ZFPM2: variants seen among roughly 807,000 people sequenced by gnomAD.
ZFPM2 encodes zinc finger protein ZFPM2.
In ZFPM2, 20 loss-of-function variants were observed where a neutral mutation model predicts 98.6. The ratio of observed to expected loss-of-function variants is 0.20; its 90% CI spans 0.14 to 0.29. The LOEUF (loss-of-function observed/expected upper bound fraction) is 0.29. ZFPM2 is among the 10% of genes least tolerant of loss of function. The pLI is 1.00. For missense variants in ZFPM2, 1,310 were observed against 1,388.6 expected (o/e 0.94, Z 0.90); for synonymous variants, 518 against 502.7 (o/e 1.03, Z -0.41).
At chr8:105,652,015 G>A (rs72673781) in intron 5 of ZFPM2, among the ~76,000 whole-genome samples, 72 of 152,146 alleles carry the variant, frequency 4.7e-4, no homozygotes, top group Non-Finnish European at 8.8e-4. Flanking sequence ...AGTCAGCATG[G>A]CAGTGTATAC....
At chr8:105,384,808 T>C (rs1398658737) in intron 1 of ZFPM2, among the ~76,000 whole-genome samples, 2 of 152,184 alleles carry the variant, frequency 1.3e-5, no homozygotes, top group East Asian at 3.8e-4. Context: ...GACGAAACCC[T>C]GAATTGATGA....
At chr8:105,533,472 A>G (rs1814340004) in intron 3 of ZFPM2, among the ~76,000 whole-genome samples, 4 of 152,182 alleles carry the variant, frequency 2.6e-5, no homozygotes, top group Non-Finnish European at 5.9e-5. Context: ...AATGCTTCTT[A>G]TGTATCTGGA....
chr8:105,361,996 G>T (rs890663810), intron 1 of ZFPM2, among the ~76,000 whole-genome samples: 3 of 151,998 alleles, frequency 2.0e-5, no homozygotes, highest in Non-Finnish European at 4.4e-5. Context: ...ACATAACAAT[G>T]AAATCACCTA....
chr8:105,678,080 A>G (rs753034761), intron 5 of ZFPM2, among the ~76,000 whole-genome samples: 1 of 152,118 alleles, frequency 6.6e-6, no homozygotes, highest in Non-Finnish European at 1.5e-5. Flanking sequence ...CAAGTTCTTT[A>G]CACCTTTTTC....
chr8:105,503,460 A>T (rs1360198607), intron 3 of ZFPM2, among the ~76,000 whole-genome samples: 1 of 152,194 alleles, frequency 6.6e-6, no homozygotes, highest in Non-Finnish European at 1.5e-5. Context: ...AACAATTTTG[A>T]CATTTTGGGA....
At chr8:105,494,656 C>G (rs957981623) in intron 3 of ZFPM2, among the ~76,000 whole-genome samples, 2 of 152,096 alleles carry the variant, frequency 1.3e-5, no homozygotes, top group Non-Finnish European at 2.9e-5. Context: ...ACAGCATTAT[C>G]TGGGAACTTG....
At chr8:105,508,118 C>T (rs796785819) in intron 3 of ZFPM2, among the ~76,000 whole-genome samples, 1 of 152,090 alleles carries the variant, frequency 6.6e-6, no homozygotes, top group Non-Finnish European at 1.5e-5. Flanking sequence ...TACAGTTTAA[C>T]GATTAATCAC....
chr8:105,354,240 A>T (rs1236632778), intron 1 of ZFPM2, among the ~76,000 whole-genome samples: 1 of 152,240 alleles, frequency 6.6e-6, no homozygotes. Flanking sequence ...TGAAATCAGC[A>T]GTAGAACAGC....
rs1459678347 is a variant in ZFPM2, at chr8:105,789,951, A to G, written c.739+1027A>G. Reference sequence around the variant, plus strand: ...GGGGTTGTTTGTTTTTTTCTTGTAAATTTGTTGGAGTTCATTGTAGATTCT... The same window carrying G: ...GGGGTTGTTTGTTTTTTTCTTGTAAGTTTGTTGGAGTTCATTGTAGATTCT... On this transcript the variant is annotated intron_variant, in intron 6 of 7. Coordinates refer to ENST00000407775, the MANE Select transcript of ZFPM2 (RefSeq NM_012082.4). 4.3e-3 allele frequency among the ~76,000 whole-genome samples: 645 copies of G among 151,520 alleles called. 3 individuals are homozygous for G. Among genetic ancestry groups the G allele is most frequent in the African/African-American group, 0.014 (577 of 41,312 alleles).
intron 3 of ZFPM2, among the ~76,000 whole-genome samples, chr8:105,453,434 A>G (rs1301607594): frequency 1.3e-5 from 2 of 152,172 alleles, no homozygotes; most frequent in Admixed American, 1.3e-4. Flanking sequence ...TTCTGTGAGG[A>G]CCAATCATTT....
At chr8:105,512,133 A>T in intron 3 of ZFPM2, among the ~76,000 whole-genome samples, 1 of 152,236 alleles carries the variant, frequency 6.6e-6, no homozygotes, top group Non-Finnish European at 1.5e-5. Context: ...CCACAGAGCA[A>T]GACTCTGTCT....
chr8:105,641,396 T>G (rs1816946208), intron 5 of ZFPM2, among the ~76,000 whole-genome samples: 1 of 152,072 alleles, frequency 6.6e-6, no homozygotes, highest in African/African-American at 2.4e-5. Context: ...TACGTTCTAT[T>G]AATATTTTGA....
In ZFPM2 at chr8:105,404,045, G is replaced by A. The variant is rs192475833; in HGVS notation, c.41-15099G>A. Among the ~76,000 whole-genome samples the A allele has an allele frequency of 2.1e-3, 287 of 138,816 alleles. 1 individual carries two copies. Among genetic ancestry groups the A allele is most frequent in the African/African-American group, 8.1e-3 (260 of 32,158 alleles). The allele number at this position is 138,816 out of a possible 152,430, so 91.1% of individuals were successfully genotyped here. On this transcript the variant is annotated intron_variant, in intron 1 of 7. Coordinates refer to ENST00000407775, the MANE Select transcript of ZFPM2 (RefSeq NM_012082.4). ...AACAACAACAACAACAACAACAACA[G>A]CAGCATAGATTTGGCCCTAGGCGCT...
At chr8:105,756,890 G>T (rs191882332) in intron 5 of ZFPM2, among the ~76,000 whole-genome samples, 10 of 152,160 alleles carry the variant, frequency 6.6e-5, no homozygotes, top group Non-Finnish European at 1.5e-4. Context: ...TGCAGATGGC[G>T]ATGCCGTGAT....
chr8:105,507,415 G>A (rs1813726365), intron 3 of ZFPM2, among the ~76,000 whole-genome samples: 1 of 152,140 alleles, frequency 6.6e-6, no homozygotes, highest in African/African-American at 2.4e-5. Flanking sequence ...GTGGTGTTTG[G>A]TTCTATGTCT....
At chr8:105,606,689 TTA>T (rs1816203786) in intron 4 of ZFPM2, among the ~76,000 whole-genome samples, 1 of 152,068 alleles carries the variant, frequency 6.6e-6, no homozygotes, top group East Asian at 1.9e-4. Context: ...TTTTGGAAAA[TTA>T]TATGTCATCT....
At chr8:105,457,705 G>A (rs986586356) in intron 3 of ZFPM2, among the ~76,000 whole-genome samples, 1 of 152,070 alleles carries the variant, frequency 6.6e-6, no homozygotes, top group African/African-American at 2.4e-5. Flanking sequence ...TTGTTTGTTT[G>A]TTTTTTGCAA....
intron 1 of ZFPM2, among the ~76,000 whole-genome samples, chr8:105,345,347 G>A (rs1001067078): frequency 6.9e-6 from 1 of 145,978 alleles, no homozygotes; most frequent in Non-Finnish European, 1.5e-5. Flanking sequence ...GTTCAATTTT[G>A]TTCTTGTTTC....
At chr8:105,349,639 A>G (rs1002362905) in intron 1 of ZFPM2, among the ~76,000 whole-genome samples, 6 of 152,220 alleles carry the variant, frequency 3.9e-5, no homozygotes, top group Admixed American at 1.3e-4. Context: ...TCTAAATCAT[A>G]AAGTTCATTG....
Sources: allele counts gnomAD v4.1 joint callset (sites outside exome capture counted in the v4.1 genomes callset), GRCh38; gene constraint gnomAD v4.1.1; transcripts MANE v1.5; gene names NCBI Gene and HGNC (gene_info 2026-07-23, HGNC 2026-07-21).